The following IFIT3 variants were observed in gnomAD, a reference collection of about 807,000 sequenced individuals.
IFIT3 encodes the protein interferon-induced protein with tetratricopeptide repeats 3.
IFIT3 carries 2 observed loss-of-function variants against 2.4 expected under a neutral mutation model. The observed-to-expected ratio is 0.82, with a 90% CI of 0.34 to 2.60. The LOEUF is 2.60. IFIT3 is among the 30% of genes most tolerant of loss of function. The pLI is 0.11. For synonymous variants in IFIT3, 203 were observed against 212.1 expected, an observed-to-expected ratio of 0.96 and a Z score of 0.37; for missense variants, 481 against 562.4, an observed-to-expected ratio of 0.86 and a Z score of 1.46.
chr10:89,328,162 G>T, intron 1 of IFIT3, 84 bp downstream of exon 1: 1 of 1,257,632 alleles, frequency 8.0e-7, no homozygotes, highest in South Asian at 1.2e-5. Flanking sequence ...GCACATTCCT[G>T]AATTGTCCTG....
chr10:89,339,912 T>C lies in IFIT3; in HGVS notation c.1257T>C (p.Tyr419=), dbSNP rs770741024. Residue 419 remains tyrosine (Y), a synonymous_variant, in exon 2 of 2, where the codon TAT becomes TAC. Coordinates refer to ENST00000371818, the MANE Select transcript of IFIT3 (RefSeq NM_001549.6). ...CACAAAATGCACCAAATTATTGGTA[T>C]CTTCAAGGATTAATTCATAAGCAGA... ...LLPQNAPNYW[Y]LQGLIHKQNG... 3.1e-6 allele frequency: 5 copies of C among 1,614,146 alleles called. No individual in the cohort carries two copies. The South Asian group carries it at 5.5e-5, about 18-fold the overall frequency.
chr10:89,339,739 C>T lies in IFIT3; in HGVS notation c.1084C>T (p.Gln362Ter), dbSNP rs762070127. 21 of 1,614,068 alleles carry T rather than the reference C, an allele frequency of 1.3e-5. No homozygotes were observed. The highest frequency in any genetic ancestry group is 1.7e-5 in the Non-Finnish European group (20 of 1,180,028). The change falls in exon 2 of 2, where the codon CAG becomes TAG. Residue 362 changes from glutamine (Q) to a stop codon, truncating the protein, a stop_gained. Coordinates refer to ENST00000371818, the MANE Select transcript of IFIT3 (RefSeq NM_001549.6). LOFTEE classifies it low-confidence loss of function (END_TRUNC). ...TGATGCTGAAAAGCAACAATCCCAT[C>T]AGCGCTACTGCAACCTTCAGAAATA... ...VPDAEKQQSH[Q>*]RYCNLQKYNG...
chr10:89,339,394 G>T lies in IFIT3; in HGVS notation c.739G>T (p.Ala247Ser). The T allele has an allele frequency of 1.2e-6, 2 of 1,614,176 alleles. No homozygotes were observed. Among genetic ancestry groups the T allele is most frequent in the Non-Finnish European group, 1.7e-6 (2 of 1,180,038 alleles). The change falls in exon 2 of 2, where the codon GCA becomes TCA. Residue 247 changes from alanine (A) to serine (S), a missense_variant. Physicochemically the swap from Ala to Ser is moderately conservative, Grantham distance 99 (BLOSUM62 1). Coordinates refer to ENST00000371818, the MANE Select transcript of IFIT3 (RefSeq NM_001549.6). ...TTGCCAAACAGATGTCCTCCGCAGT[G>T]CAGCCAAATTTTACAGAAGAAAAGG... is the stretch of plus-strand genomic sequence containing the variant. Reference protein sequence around the residue: ...SPCQTDVLRSAAKFYRRKGDL... With the variant: ...SPCQTDVLRSSAKFYRRKGDL...
intron 1 of IFIT3, chr10:89,332,643 T>C (rs1395362342): frequency 1.9e-6 from 3 of 1,613,014 alleles, no homozygotes; most frequent in African/African-American, 1.3e-5. Context: ...TAGTCCCTGC[T>C]TCTCTGATAG....
At chr10:89,333,201 A>G (rs1197769725) in intron 1 of IFIT3, among the ~76,000 whole-genome samples, 3 of 152,184 alleles carry the variant, frequency 2.0e-5, no homozygotes, top group East Asian at 3.8e-4. Flanking sequence ...CACGTGATCA[A>G]TGAACAGGGA....
chr10:89,334,606 C>T (rs1843705696), intron 1 of IFIT3, among the ~76,000 whole-genome samples: 1 of 145,714 alleles, frequency 6.9e-6, no homozygotes, highest in African/African-American at 2.6e-5. Flanking sequence ...AGCAATTCTG[C>T]CTCGGCTTCC....
intron 1 of IFIT3, among the ~76,000 whole-genome samples, chr10:89,336,851 C>T (rs11203074): frequency 0.062 from 9,410 of 152,112 alleles, 698 homozygotes; most frequent in African/African-American, 0.18. Flanking sequence ...GCCGTGACTC[C>T]ACTGGTAAGA....
intron 1 of IFIT3, among the ~76,000 whole-genome samples, chr10:89,334,454 GT>G (rs1322780465): frequency 1.3e-5 from 1 of 79,726 alleles, no homozygotes; most frequent in African/African-American, 4.3e-5. Flanking sequence ...TAGCTATTCT[GT>G]TTTTTCTTCT....
intron 1 of IFIT3, among the ~76,000 whole-genome samples, chr10:89,337,384 T>C (rs74459975): frequency 0.041 from 6,227 of 152,232 alleles, 418 homozygotes; most frequent in African/African-American, 0.14. Context: ...TGACTTGGTA[T>C]TTTTTAATTT....
At chr10:89,337,311 C>G (rs10749606) in intron 1 of IFIT3, among the ~76,000 whole-genome samples, 92,363 of 152,078 alleles carry the variant, frequency 0.61, 29,970 homozygotes, top group East Asian at 0.94. Flanking sequence ...AAAAGAGGTA[C>G]CCCAATAAAG....
chr10:89,331,333 G>A (rs1490674908), intron 1 of IFIT3, among the ~76,000 whole-genome samples: 1 of 152,044 alleles, frequency 6.6e-6, no homozygotes, highest in Non-Finnish European at 1.5e-5. Context: ...CACTATGCCT[G>A]GTTAATTTTT....
chr10:89,334,602 T>TCTC (rs71022562), intron 1 of IFIT3, among the ~76,000 whole-genome samples: 93,029 of 147,956 alleles, frequency 0.63, 31,695 homozygotes, highest in East Asian at 0.94. Context: ...TTCAAGCAAT[T>TCTC]CTGCCTCGGC....
In IFIT3 at chr10:89,340,648, A is replaced by T. The variant is rs979413449; in HGVS notation, c.*520A>T. The T allele has an allele frequency of 6.6e-6, 1 of 151,666 alleles. No homozygotes were observed. Among genetic ancestry groups the T allele is most frequent in the African/African-American group, 2.4e-5 (1 of 41,208 alleles). 9.4% of individuals were successfully genotyped at this position (151,666 alleles called of 1,614,324 possible). A position where few individuals can be genotyped will look rare whatever the true frequency, so the allele number is the denominator to read the frequency against. ...TAGTCCGAAGGTCTTACAACTAATC[A>T]CTGGTAGCAATAAATGCTTCAGGCC... On this transcript the variant is annotated 3_prime_UTR_variant, in exon 2 of 2. Coordinates refer to ENST00000371818, the MANE Select transcript of IFIT3 (RefSeq NM_001549.6).
chr10:89,331,666 C>G (rs1338949682), intron 1 of IFIT3, among the ~76,000 whole-genome samples: 1 of 151,704 alleles, frequency 6.6e-6, no homozygotes, highest in African/African-American at 2.4e-5. Context: ...GGAGACCAGC[C>G]TGGGCAACAT....
At chr10:89,328,203 T>C in intron 1 of IFIT3, 125 bp downstream of exon 1, 3 of 981,112 alleles carry the variant, frequency 3.1e-6, no homozygotes, top group Non-Finnish European at 4.8e-6. Flanking sequence ...TCTTTATCAG[T>C]CTGAGCATTT....
intron 1 of IFIT3, chr10:89,332,602 A>T: frequency 1.2e-6 from 2 of 1,614,160 alleles, no homozygotes; most frequent in Non-Finnish European, 1.7e-6. Context: ...AGCTTTTCAG[A>T]ACTGCAGGGA....
At chr10:89,333,349 G>A (rs753680531) in intron 1 of IFIT3, among the ~76,000 whole-genome samples, 1 of 152,158 alleles carries the variant, frequency 6.6e-6, no homozygotes, top group Non-Finnish European at 1.5e-5. Flanking sequence ...ATAAGGTCCA[G>A]AAACAAACAT....
intron 1 of IFIT3, among the ~76,000 whole-genome samples, chr10:89,335,736 A>G (rs970840460): frequency 1.3e-5 from 2 of 152,144 alleles, no homozygotes; most frequent in East Asian, 3.9e-4. Flanking sequence ...AAATCTGCAG[A>G]TACATTCTAT....
At position 89,338,970 on chromosome 10, in the gene IFIT3, T is replaced by C; in HGVS notation, c.315T>C (p.Tyr105=). ...GGGGAAACTACGCCTGGGTCTACTA[T>C]CACTTGGGCAGACTCTCAGATGCTC... The part of the protein sequence containing the change: ...VTWGNYAWVY[Y]HLGRLSDAQI... The change falls in exon 2 of 2, where the codon TAT becomes TAC. Residue 105 remains tyrosine, a synonymous_variant. Coordinates refer to ENST00000371818, the MANE Select transcript of IFIT3 (RefSeq NM_001549.6). The C allele has an allele frequency of 1.2e-6, 2 of 1,614,146 alleles. No individual in the cohort carries two copies. Among genetic ancestry groups the C allele is most frequent in the South Asian group, 1.1e-5 (1 of 91,086 alleles).
Sources: allele counts gnomAD v4.1 joint callset (sites outside exome capture counted in the v4.1 genomes callset), GRCh38; gene constraint gnomAD v4.1.1; transcripts MANE v1.5; gene names NCBI Gene and HGNC (gene_info 2026-07-23, HGNC 2026-07-21).